The following IL1R1 variants were observed in gnomAD, a reference collection of about 807,000 sequenced individuals.
The protein encoded by IL1R1 is interleukin 1 receptor type 1.
A neutral mutation model predicts 50.2 loss-of-function variants in IL1R1; 22 were observed. The observed-to-expected ratio is 0.44, with a 90% CI of 0.31 to 0.63. The LOEUF (loss-of-function observed/expected upper bound fraction) is 0.63, where lower values mean the gene tolerates loss of function less well. Ranked by LOEUF, IL1R1 falls within the 20% of genes least tolerant of loss-of-function variation. The pLI is 0.07. For missense variants in IL1R1, 509 were observed against 676.2 expected, an observed-to-expected ratio of 0.75 and a Z score of 2.74; for synonymous variants, 251 against 236.7, an observed-to-expected ratio of 1.06 and a Z score of -0.55.
chr2:102,087,660 G>C (rs1425685347), intron 1 of IL1R1, among the ~76,000 whole-genome samples: 2 of 152,044 alleles, frequency 1.3e-5, no homozygotes, highest in Non-Finnish European at 2.9e-5. Flanking sequence ...GTTCCCCCTT[G>C]CTCTCTCTCC....
chr2:102,161,812 G>T (rs993245076), intron 3 of IL1R1, among the ~76,000 whole-genome samples: 13 of 151,984 alleles, frequency 8.6e-5, no homozygotes, highest in African/African-American at 3.1e-4. Context: ...TGATTCTTGT[G>T]CCTCAGCCTC....
intron 1 of IL1R1, among the ~76,000 whole-genome samples, chr2:102,122,260 G>A (rs1681446868): frequency 6.6e-6 from 1 of 152,194 alleles, no homozygotes; most frequent in South Asian, 2.1e-4. Context: ...CCACGAATAA[G>A]GCAGAATTGC....
chr2:102,117,529 G>A (rs565660675), intron 1 of IL1R1, among the ~76,000 whole-genome samples: 1 of 152,140 alleles, frequency 6.6e-6, no homozygotes, highest in Non-Finnish European at 1.5e-5. Context: ...TGCCAACATC[G>A]CTCTTCAGTT....
At chr2:102,144,177 A>G (rs907220189) in intron 1 of IL1R1, among the ~76,000 whole-genome samples, 1 of 152,244 alleles carries the variant, frequency 6.6e-6, no homozygotes, top group Non-Finnish European at 1.5e-5. Flanking sequence ...TTCATTTAAT[A>G]TTCTGTATTC....
intron 1 of IL1R1, among the ~76,000 whole-genome samples, chr2:102,145,378 T>C (rs1683027402): frequency 6.6e-6 from 1 of 152,152 alleles, no homozygotes; most frequent in Non-Finnish European, 1.5e-5. Context: ...CTCCCGGCCA[T>C]GCCTAGTGCA....
At chr2:102,078,611 AAGG>A (rs1679080924) in intron 1 of IL1R1, among the ~76,000 whole-genome samples, 2 of 149,792 alleles carry the variant, frequency 1.3e-5, no homozygotes, top group African/African-American at 4.9e-5. Flanking sequence ...AGAAAAAAAA[AAGG>A]AAAAAAGCCC....
chr2:102,077,088 T>G (rs1195639384), intron 1 of IL1R1, among the ~76,000 whole-genome samples: 1 of 152,178 alleles, frequency 6.6e-6, no homozygotes, highest in African/African-American at 2.4e-5. Context: ...TTATTTTTTT[T>G]GAGAGAGAGT....
intron 1 of IL1R1, among the ~76,000 whole-genome samples, chr2:102,073,241 A>G (rs1678814236): frequency 6.6e-6 from 1 of 152,178 alleles, no homozygotes; most frequent in African/African-American, 2.4e-5. Flanking sequence ...GGGACCACGG[A>G]TACAATACGG....
intron 7 of IL1R1, among the ~76,000 whole-genome samples, chr2:102,171,321 G>A (rs1489804176): frequency 6.6e-6 from 1 of 152,046 alleles, no homozygotes; most frequent in East Asian, 1.9e-4. Flanking sequence ...AAAGAGAGGG[G>A]GTTAGCTTTT....
At chr2:102,159,431 G>A (rs1398974768) in intron 3 of IL1R1, among the ~76,000 whole-genome samples, 1 of 152,130 alleles carries the variant, frequency 6.6e-6, no homozygotes, top group African/African-American at 2.4e-5. Context: ...GCTTGTGTAT[G>A]ACCTCAGAGT....
At chr2:102,103,678 G>A (rs1398974956), upstream of IL1R1, among the ~76,000 whole-genome samples, 2 of 152,070 alleles carry the variant, frequency 1.3e-5, no homozygotes, top group African/African-American at 4.8e-5. Flanking sequence ...GGAGTGCAGA[G>A]CACAGGAGGA....
intron 2 of IL1R1, among the ~76,000 whole-genome samples, chr2:102,156,660 C>T (rs901604505): frequency 1.3e-5 from 2 of 152,156 alleles, no homozygotes; most frequent in Admixed American, 1.3e-4. Context: ...TACAGGCATG[C>T]ACCACCACAC....
intron 1 of IL1R1, among the ~76,000 whole-genome samples, chr2:102,122,025 T>C (rs1411949730): frequency 1.3e-5 from 2 of 152,174 alleles, no homozygotes; most frequent in Non-Finnish European, 2.9e-5. Context: ...GTTTGTTTCA[T>C]ACATTCAAAA....
intron 1 of IL1R1, among the ~76,000 whole-genome samples, chr2:102,127,888 T>C (rs796338319): frequency 7.9e-5 from 12 of 152,302 alleles, no homozygotes; most frequent in African/African-American, 2.2e-4. Flanking sequence ...CAAAACCACT[T>C]TCACATGGCA....
intron 1 of IL1R1, among the ~76,000 whole-genome samples, chr2:102,145,042 A>G (rs1682997277): frequency 6.6e-6 from 1 of 152,196 alleles, no homozygotes. Context: ...TCTCAGTAAT[A>G]AGAGAGGCAA....
intron 1 of IL1R1, among the ~76,000 whole-genome samples, chr2:102,094,689 A>G (rs1679821644): frequency 7.2e-5 from 11 of 152,198 alleles, no homozygotes; most frequent in Admixed American, 7.2e-4. Flanking sequence ...ACCTATTATT[A>G]TTCACTGATT....
At chr2:102,134,605 C>T (rs954700491) in intron 1 of IL1R1, among the ~76,000 whole-genome samples, 3 of 151,942 alleles carry the variant, frequency 2.0e-5, no homozygotes, top group African/African-American at 7.3e-5. Context: ...CTCGAGCTCC[C>T]GAGCTTAGGT....
At chr2:102,128,803 C>T (rs1196131051) in intron 1 of IL1R1, among the ~76,000 whole-genome samples, 1 of 152,178 alleles carries the variant, frequency 6.6e-6, no homozygotes, top group Non-Finnish European at 1.5e-5. Context: ...AGGGGGAAAA[C>T]GATCAGTTTT....
At chr2:102,113,445 G>C (rs1339996037) in intron 1 of IL1R1, among the ~76,000 whole-genome samples, 13 of 152,216 alleles carry the variant, frequency 8.5e-5, no homozygotes, top group African/African-American at 3.1e-4. Flanking sequence ...GAGCTGCTCA[G>C]TCATGTATAC....
Sources: allele counts gnomAD v4.1 joint callset (sites outside exome capture counted in the v4.1 genomes callset), GRCh38; gene constraint gnomAD v4.1.1; transcripts MANE v1.5; gene names NCBI Gene and HGNC (gene_info 2026-07-23, HGNC 2026-07-21).